Variants in NLRP10 observed in about 807,000 individuals in gnomAD.
The protein encoded by NLRP10 is NACHT, LRR and PYD domains-containing protein 10.
Under a neutral mutation model 8.2 loss-of-function variants are expected in NLRP10, and 7 were observed. The observed-to-expected ratio is 0.85, with a 90% CI of 0.48 to 1.60. The LOEUF (loss-of-function observed/expected upper bound fraction) is 1.60, where lower values mean the gene tolerates loss of function less well. Among genes scored for constraint, NLRP10 ranks in the 40% most tolerant of loss-of-function variants. The probability of loss-of-function intolerance (pLI) is 0.00; values close to 1 mark genes in which losing one functional copy is unlikely to be tolerated. For synonymous variants in NLRP10, 338 were observed against 314.0 expected, an observed-to-expected ratio of 1.08 and a Z score of -0.81; for missense variants, 814 against 776.3, an observed-to-expected ratio of 1.05 and a Z score of -0.58.
Position 7,959,953 on chromosome 11 carries a change from T to C in NLRP10, c.1659A>G (p.Glu553=), listed in dbSNP as rs781778609. Residue 553 remains glutamate, a synonymous_variant, in exon 3 of 3, where the codon GAA becomes GAG. Coordinates refer to ENST00000691676, the MANE Select transcript of NLRP10 (RefSeq NM_001391958.1). ...QDLKHFKEQM[E]SMKHNRTWDL... is the part of the protein sequence containing the mutation. ...CCCAGGTCCTGTTGTGCTTCATAGATTCCATCTGTTCTTTAAAATGCTTCA... is the reference window on the plus strand; with the variant it reads ...CCCAGGTCCTGTTGTGCTTCATAGACTCCATCTGTTCTTTAAAATGCTTCA... The C allele has an allele frequency of 1.9e-6, 3 of 1,614,094 alleles. No homozygotes were observed. Among genetic ancestry groups the C allele is most frequent in the Admixed American group, 1.7e-5 (1 of 60,010 alleles).
Position 7,959,077 on chromosome 11 carries a change from A to G in NLRP10, c.*567T>C, listed in dbSNP as rs560865971. Among the ~76,000 whole-genome samples, 142 of 152,128 alleles carry G rather than the reference A, an allele frequency of 9.3e-4. 1 individual carries two copies. The highest frequency in any genetic ancestry group is 3.4e-3 in the Middle Eastern group (1 of 294). ...CAAGGTCACCTAGATTTTCTCCTAT[A>G]TTATCTTCTAGCAGTTTATATTAGT... On this transcript the variant is annotated 3_prime_UTR_variant, in exon 3 of 3. Coordinates refer to ENST00000691676, the MANE Select transcript of NLRP10 (RefSeq NM_001391958.1).
chr11:7,960,791 A>G lies in NLRP10; in HGVS notation c.821T>C (p.Leu274Pro). The G allele has an allele frequency of 6.2e-7, 1 of 1,614,148 alleles. No homozygotes were observed. The highest frequency in any genetic ancestry group is 1.1e-5 in the South Asian group (1 of 91,078). The part of the protein sequence containing the change: ...KRGLSPKESL[L>P]HLLIRRHTLP... Reference sequence around the variant, plus strand: ...TGTATGTCTCCTAATTAGAAGGTGCAGCAGGCTCTCCTTGGGACTCAAACC... The same window carrying G: ...TGTATGTCTCCTAATTAGAAGGTGCGGCAGGCTCTCCTTGGGACTCAAACC... The change falls in exon 3 of 3, where the codon CTG becomes CCG. Residue 274 changes from leucine (L) to proline (P), a missense_variant. By Grantham distance (98) the Leu-to-Pro change is moderately conservative. Transcript: ENST00000691676.
intron 1 of NLRP10, among the ~76,000 whole-genome samples, chr11:7,964,589 G>A (rs1340130880): frequency 2.0e-5 from 3 of 152,186 alleles, no homozygotes; most frequent in African/African-American, 7.2e-5. Context: ...CCAGAGCTAG[G>A]CCACCGGGCA....
At position 7,959,391 on chromosome 11, in the gene NLRP10, A is replaced by C; in HGVS notation, c.*253T>G. On this transcript the variant is annotated 3_prime_UTR_variant, in exon 3 of 3. Transcript: ENST00000691676. ...GTTCTTCTTCAATATTTTATTGGCT[A>C]TTCTGAGTCTTTTGCCTTTGCACAT... 2.6e-6 allele frequency: 1 copy of C among 390,088 alleles called. No homozygotes were observed. The highest frequency in any genetic ancestry group is 4.5e-6 in the Non-Finnish European group (1 of 222,762). The allele number at this position is 390,088 out of a possible 1,614,324, so 24.2% of individuals were successfully genotyped here. A position where few individuals can be genotyped will look rare whatever the true frequency, so the allele number is the denominator to read the frequency against.
chr11:7,964,325 A>C (rs963843793), intron 1 of NLRP10, among the ~76,000 whole-genome samples: 5 of 151,342 alleles, frequency 3.3e-5, no homozygotes, highest in Admixed American at 3.3e-4. Context: ...AGGTAAAAAA[A>C]ATCTACACTC....
In NLRP10 at chr11:7,961,296, C is replaced by G; in HGVS notation, c.316G>C (p.Val106Leu). 8.8e-6 allele frequency: 14 copies of G among 1,589,184 alleles called. No individual in the cohort carries two copies. Among genetic ancestry groups the G allele is most frequent in the Non-Finnish European group, 1.2e-5 (14 of 1,165,824 alleles). ...TCCTGCCATTCCTCTAGGCAGCGCA[C>G]ATGCTCTCGGTATACTTCTCTGTAA... ...HDYREVYREH[V>L]RCLEEWQEAG... The change falls in exon 3 of 3, where the codon GTG becomes CTG. Residue 106 changes from valine (V) to leucine (L), a missense_variant. Coordinates refer to ENST00000691676, the MANE Select transcript of NLRP10 (RefSeq NM_001391958.1).
Position 7,960,653 on chromosome 11 carries a change from C to T in NLRP10, c.959G>A (p.Arg320Lys), listed in dbSNP as rs757399336. The part of the protein sequence containing the change: ...VHILGFSEEE[R>K]ARYFSSYFTD... ...GAAATAGGAGCTGAAGTACCTCGCC[C>T]TCTCCTCCTCAGAGAAGCCTAGGAT... Residue 320 changes from arginine to lysine, a missense_variant, in exon 3 of 3, where the codon AGG (arginine) becomes AAG (lysine). By Grantham distance (26) the Arg-to-Lys change is conservative (BLOSUM62 2). Transcript: ENST00000691676. 1.1e-5 allele frequency: 18 copies of T among 1,614,084 alleles called. No individual in the cohort carries two copies. The highest frequency in any genetic ancestry group is 1.4e-5 in the Non-Finnish European group (17 of 1,180,056).
intron 2 of NLRP10, 79 bp downstream of exon 2, chr11:7,963,128 C>T (rs2133644946): frequency 1.4e-6 from 2 of 1,407,072 alleles, no homozygotes; most frequent in Non-Finnish European, 2.0e-6. Flanking sequence ...GTACAGGCTA[C>T]AGGCAGCTCT....
rs370123497 is a variant in NLRP10, at chr11:7,960,257, T to C, written c.1355A>G (p.Tyr452Cys). The C allele has an allele frequency of 1.5e-5, 25 of 1,613,990 alleles. No individual in the cohort carries two copies. The African/African-American group carries it at 3.2e-4, about 21-fold the overall frequency. ...RLAAFLSSND[Y>C]QLGLAIKKFY... ...CTTCTTGATGGCAAGTCCCAATTGGTAGTCGTTACTACTCAGGAAAGCGGC... is the reference window on the plus strand; with the variant it reads ...CTTCTTGATGGCAAGTCCCAATTGGCAGTCGTTACTACTCAGGAAAGCGGC... Residue 452 changes from tyrosine to cysteine, a missense_variant, in exon 3 of 3, where the codon TAC (tyrosine) becomes TGC (cysteine). Physicochemically the swap from Tyr to Cys is radical, Grantham distance 194. Transcript: ENST00000691676.
At position 7,960,011 on chromosome 11, in the gene NLRP10, C is replaced by G. The variant is rs141049984; in HGVS notation, c.1601G>C (p.Cys534Ser). Residue 534 changes from cysteine (C) to serine (S), a missense_variant, in exon 3 of 3, where the codon TGC (cysteine) becomes TCC (serine). By Grantham distance (112) the Cys-to-Ser change is moderately radical. Transcript: ENST00000691676. Reference protein sequence around the residue: ...DSFSNLELKFCFRISPCLAQD... With the variant: ...DSFSNLELKFSFRISPCLAQD... ...CGCTAAACAGGGAGAAATTCTGAAGCAGAACTTGAGCTCCAAGTTCGAGAA... is the reference window on the plus strand; with the variant it reads ...CGCTAAACAGGGAGAAATTCTGAAGGAGAACTTGAGCTCCAAGTTCGAGAA... 32 of 1,613,948 alleles carry G rather than the reference C, an allele frequency of 2.0e-5. No individual in the cohort carries two copies. In the African/African-American group the frequency reaches 3.9e-4, roughly 20 times the overall value.
rs1459200710 is a variant in NLRP10 at position 7,960,950 on chromosome 11, T to G, written c.662A>C (p.Gln221Pro). ...VVLLLESKLE[Q>P]LLFWCCGDNQ... ...GTCCCCGCAGCACCAGAAAAGGAGC[T>G]GCTCCAGTTTGCTCTCCAGCAGCAG... The change falls in exon 3 of 3, where the codon CAG (glutamine) becomes CCG (proline). Residue 221 changes from glutamine to proline, a missense_variant. Coordinates refer to ENST00000691676, the MANE Select transcript of NLRP10 (RefSeq NM_001391958.1). The G allele has an allele frequency of 6.2e-6, 10 of 1,614,224 alleles. No homozygotes were observed. Among genetic ancestry groups the G allele is most frequent in the Non-Finnish European group, 8.5e-6 (10 of 1,180,032 alleles).
At position 7,960,019 on chromosome 11, in the gene NLRP10, GA is replaced by G; in HGVS notation, c.1592del (p.Leu531ProfsTer11). 1 of 1,614,054 alleles carries G rather than the reference GA, an allele frequency of 6.2e-7. No homozygotes were observed. Among genetic ancestry groups the G allele is most frequent in the Non-Finnish European group, 8.5e-7 (1 of 1,179,982 alleles). ...SKKDSFSNLELKFCFRISPCL... is the reference protein window; with the variant it reads ...SKKDSFSNLEXKFCFRISPCL... Reference sequence around the variant, plus strand: ...AGGGAGAAATTCTGAAGCAGAACTTGAGCTCCAAGTTCGAGAAGCTGTCTTT... The same window carrying G: ...AGGGAGAAATTCTGAAGCAGAACTTGGCTCCAAGTTCGAGAAGCTGTCTTT... On this transcript the variant is annotated frameshift_variant, in exon 3 of 3. Coordinates refer to ENST00000691676, the MANE Select transcript of NLRP10 (RefSeq NM_001391958.1). LOFTEE classifies it low-confidence loss of function (END_TRUNC).
chr11:7,960,446 A>G lies in NLRP10; in HGVS notation c.1166T>C (p.Val389Ala), dbSNP rs1292278473. ...ATCATCGGGCGGCAGAAAGGTGGAG[A>G]CGTAAGCCATGAAGATGTCAGTGCT... ...RNSTDIFMAY[V>A]STFLPPDDDG... Residue 389 changes from valine (V) to alanine (A), a missense_variant, in exon 3 of 3, where the codon GTC (valine) becomes GCC (alanine). By Grantham distance (64) the Val-to-Ala change is moderately conservative. Coordinates refer to ENST00000691676, the MANE Select transcript of NLRP10 (RefSeq NM_001391958.1). The G allele has an allele frequency of 6.2e-7, 1 of 1,614,054 alleles. No homozygotes were observed. Among genetic ancestry groups the G allele is most frequent in the African/African-American group, 1.3e-5 (1 of 75,020 alleles).
At position 7,959,719 on chromosome 11, in the gene NLRP10, T is replaced by C. The variant is rs777154742; in HGVS notation, c.1893A>G (p.Ile631Met). Reference protein sequence around the residue: ...VHGQKEGKDNIAGTQKEASTG... With the variant: ...VHGQKEGKDNMAGTQKEASTG... ...TAGAAGCTTCCTTTTGTGTTCCTGCTATATTATCTTTGCCCTCCTTCTGTC... is the reference window on the plus strand; with the variant it reads ...TAGAAGCTTCCTTTTGTGTTCCTGCCATATTATCTTTGCCCTCCTTCTGTC... Residue 631 changes from isoleucine to methionine, a missense_variant, in exon 3 of 3, where the codon ATA becomes ATG. Physicochemically the swap from Ile to Met is conservative, Grantham distance 10. Coordinates refer to ENST00000691676, the MANE Select transcript of NLRP10 (RefSeq NM_001391958.1). 6.2e-7 allele frequency: 1 copy of C among 1,609,884 alleles called. No homozygotes were observed. The highest frequency in any genetic ancestry group is 8.5e-7 in the Non-Finnish European group (1 of 1,179,012).
In NLRP10 at chr11:7,958,791, A is replaced by C. The variant is rs1941664775; in HGVS notation, c.*853T>G. Among the ~76,000 whole-genome samples, 1 of 152,180 alleles carries C rather than the reference A, an allele frequency of 6.6e-6. No individual in the cohort carries two copies. The highest frequency in any genetic ancestry group is 1.5e-5 in the Non-Finnish European group (1 of 68,036). ...TCTCGGTCTCTTGACCTCGTGATCC[A>C]CCAGCCTGGGCCTCCTACTCACTTT... On this transcript the variant is annotated 3_prime_UTR_variant, in exon 3 of 3. Coordinates refer to ENST00000691676, the MANE Select transcript of NLRP10 (RefSeq NM_001391958.1).
At position 7,961,186 on chromosome 11, in the gene NLRP10, G is replaced by A. The variant is rs1353589171; in HGVS notation, c.426C>T (p.Phe142=). 4 of 1,613,786 alleles carry A rather than the reference G, an allele frequency of 2.5e-6. No homozygotes were observed. Among genetic ancestry groups the A allele is most frequent in the Non-Finnish European group, 3.4e-6 (4 of 1,179,878 alleles). The change falls in exon 3 of 3, where the codon TTC becomes TTT. Residue 142 remains phenylalanine, a synonymous_variant. Coordinates refer to ENST00000691676, the MANE Select transcript of NLRP10 (RefSeq NM_001391958.1). ...SESPESLACP[F]PEQELESVTV... ...TGACAGACTCCAGCTCCTGCTCCGG[G>A]AAGGGGCAGGCAAGTGATTCTGGGC...
chr11:7,964,561 A>C (rs949760315), intron 1 of NLRP10, among the ~76,000 whole-genome samples: 1 of 152,222 alleles, frequency 6.6e-6, no homozygotes, highest in African/African-American at 2.4e-5. Context: ...TCAGAGAAAA[A>C]TGGTTTTTCA....
Position 7,959,164 on chromosome 11 carries a change from C to A in NLRP10, c.*480G>T, listed in dbSNP as rs1179509489. ...TGTGGATGTCCAGTTATTTCAGCAC[C>A]ATTTGTTGAAAAGAGTAAACTTTCT... On this transcript the variant is annotated 3_prime_UTR_variant, in exon 3 of 3. Transcript: ENST00000691676. Among the ~76,000 whole-genome samples, 1 of 152,104 alleles carries A rather than the reference C, an allele frequency of 6.6e-6. No individual in the cohort carries two copies. Among genetic ancestry groups the A allele is most frequent in the Non-Finnish European group, 1.5e-5 (1 of 68,014 alleles).
intron 2 of NLRP10, 58 bp downstream of exon 2, chr11:7,963,149 T>C (rs1589894204): frequency 2.6e-6 from 4 of 1,530,940 alleles, no homozygotes; most frequent in East Asian, 2.3e-5. Context: ...GGAAATGCCA[T>C]GGTGGGAGGG....
Sources: gnomAD v4.1 joint callset for allele counts (sites outside exome capture counted in the v4.1 genomes callset) on GRCh38, gnomAD v4.1.1 for gene constraint, MANE v1.5 for transcripts, NCBI Gene and HGNC (gene_info 2026-07-23, HGNC 2026-07-21) for gene names.